Variants in FBXO9 observed in about 807,000 individuals in gnomAD.
FBXO9 encodes the protein F-box only protein 9.
Under a neutral mutation model 63.7 loss-of-function variants are expected in FBXO9, and 43 were observed. The observed-to-expected ratio is 0.67, with a 90% CI of 0.53 to 0.87. The LOEUF is 0.87. FBXO9 is among the 40% of genes least tolerant of loss of function. FBXO9 has a pLI of 0.00. For synonymous variants in FBXO9, 156 were observed against 171.7 expected (o/e 0.91, Z 0.72); for missense variants, 442 against 533.2 (o/e 0.83, Z 1.68).
chr6:53,092,665 C>T (rs569173623), intron 8 of FBXO9, 69 bp from the exon 9 acceptor site: 1 of 1,422,854 alleles, frequency 7.0e-7, no homozygotes, highest in African/African-American at 1.4e-5. Flanking sequence ...TTAAAGGAAA[C>T]CACAGTAAAT....
chr6:53,071,025 T>C, intron 1 of FBXO9, 32 bp from the exon 2 acceptor site: 3 of 1,556,828 alleles, frequency 1.9e-6, no homozygotes, highest in Non-Finnish European at 2.6e-6. Context: ...TGTGTTTATA[T>C]GCCTGACATT....
chr6:53,066,262 G>A, intron 1 of FBXO9: 1 of 456,666 alleles, frequency 2.2e-6, no homozygotes, highest in Non-Finnish European at 2.9e-6. Context: ...CCGGCACCTT[G>A]AGGAGCCCTG....
intron 5 of FBXO9, among the ~76,000 whole-genome samples, 186 bp downstream of exon 5, chr6:53,079,084 T>G (rs1769220773): frequency 6.6e-6 from 1 of 152,112 alleles, no homozygotes; most frequent in Non-Finnish European, 1.5e-5. Flanking sequence ...AATGCACCTT[T>G]TAAACAGATA....
intron 5 of FBXO9, among the ~76,000 whole-genome samples, chr6:53,080,277 A>G (rs1769265194): frequency 6.7e-6 from 1 of 149,888 alleles, no homozygotes; most frequent in African/African-American, 2.5e-5. Flanking sequence ...ATTTTGTTGT[A>G]TTACAAAATG....
chr6:53,070,976 G>A lies in FBXO9; in HGVS notation c.4-81G>A, dbSNP rs763340354. 1.9e-5 allele frequency: 30 copies of A among 1,542,638 alleles called. No individual in the cohort carries two copies. The East Asian group carries it at 6.1e-4, about 32-fold the overall frequency. On this transcript the variant is annotated intron_variant, in intron 1 of 12. Coordinates refer to ENST00000323557, the MANE Select transcript of FBXO9 (RefSeq NM_033480.3). ...TTGACAGTATGGTACTAAATAGAAA[G>A]TGGCTGAATGAGAAATGTAGATTGC...
rs145516622 is a variant in FBXO9 at position 53,088,898 on chromosome 6, C to T, written c.654-3531C>T. ...TACAGGCGTGAGCCACCGCACCTGG[C>T]CCTAGTGGTTTTTTTCTTTCTTTCT... On this transcript the variant is annotated intron_variant, in intron 7 of 12. Transcript: ENST00000323557. 2.6e-3 allele frequency among the ~76,000 whole-genome samples: 387 copies of T among 151,088 alleles called. 1 individual carries two copies. Among genetic ancestry groups the T allele is most frequent in the African/African-American group, 6.7e-3 (277 of 41,250 alleles).
At chr6:53,085,982 G>A (rs1020893273) in intron 7 of FBXO9, among the ~76,000 whole-genome samples, 2 of 151,624 alleles carry the variant, frequency 1.3e-5, no homozygotes, top group South Asian at 2.1e-4. Flanking sequence ...AAACCCCGTC[G>A]CTACTAAAAA....
At chr6:53,088,879 C>A (rs1157111773) in intron 7 of FBXO9, among the ~76,000 whole-genome samples, 1 of 151,402 alleles carries the variant, frequency 6.6e-6, no homozygotes, top group African/African-American at 2.4e-5. Context: ...GAATTACAGG[C>A]GTGAGCCACC....
intron 4 of FBXO9, among the ~76,000 whole-genome samples, chr6:53,077,572 T>C (rs1339580542): frequency 2.6e-5 from 4 of 151,754 alleles, no homozygotes; most frequent in African/African-American, 7.3e-5. Context: ...AATAAAGTGA[T>C]AGGACTATTT....
chr6:53,093,833 C>CT (rs1763120988), intron 10 of FBXO9, 52 bp from the exon 11 acceptor site: 1 of 1,359,938 alleles, frequency 7.4e-7, no homozygotes, highest in Admixed American at 2.3e-5. Flanking sequence ...TCTTAGATTA[C>CT]TTAAATCCAC....
intron 1 of FBXO9, among the ~76,000 whole-genome samples, chr6:53,069,946 A>C (rs1048389567): frequency 1.3e-5 from 2 of 152,070 alleles, no homozygotes; most frequent in Non-Finnish European, 2.9e-5. Context: ...TAGAACTAAA[A>C]AAATACCAAA....
chr6:53,096,647 A>G (rs1330552543), intron 12 of FBXO9, among the ~76,000 whole-genome samples: 2 of 152,054 alleles, frequency 1.3e-5, no homozygotes, highest in Admixed American at 6.6e-5. Flanking sequence ...GCTTATGCCT[A>G]TAATCCCAGG....
intron 11 of FBXO9, among the ~76,000 whole-genome samples, 177 bp from the exon 12 acceptor site, chr6:53,095,336 A>C (rs1763177582): frequency 6.6e-6 from 1 of 152,174 alleles, no homozygotes; most frequent in Non-Finnish European, 1.5e-5. Flanking sequence ...AAAAAATCTG[A>C]TATTTTTAGA....
chr6:53,073,777 A>G, intron 3 of FBXO9, 138 bp downstream of exon 3: 1 of 688,562 alleles, frequency 1.5e-6, no homozygotes, highest in Non-Finnish European at 2.3e-6. Flanking sequence ...AATTTTGACT[A>G]GTATACTAGT....
At chr6:53,081,164 A>G (rs891727746) in intron 6 of FBXO9, 66 bp downstream of exon 6, 2 of 1,505,652 alleles carry the variant, frequency 1.3e-6, no homozygotes, top group Non-Finnish European at 1.8e-6. Context: ...CCAAATTTAT[A>G]AGGTCAGATA....
chr6:53,082,521 C>T lies in FBXO9; in HGVS notation c.556C>T (p.Leu186=). ...IHISVLPMEV[L]MYIFRWVVSS... Reference sequence around the variant, plus strand: ...TTTTGCAGTGCTGCCAATGGAGGTCCTGATGTACATCTTCCGATGGGTGGT... The same window carrying T: ...TTTTGCAGTGCTGCCAATGGAGGTCTTGATGTACATCTTCCGATGGGTGGT... The change falls in exon 7 of 13, where the codon CTG becomes TTG. Residue 186 remains leucine, a synonymous_variant. Coordinates refer to ENST00000323557, the MANE Select transcript of FBXO9 (RefSeq NM_033480.3). The T allele has an allele frequency of 6.2e-7, 1 of 1,613,134 alleles. No individual in the cohort carries two copies.
intron 11 of FBXO9, 82 bp from the exon 12 acceptor site, chr6:53,095,431 A>T: frequency 7.9e-7 from 1 of 1,262,048 alleles, no homozygotes; most frequent in Non-Finnish European, 1.1e-6. Context: ...TGTTACTTTT[A>T]GTGTCACTGT....
intron 7 of FBXO9, among the ~76,000 whole-genome samples, chr6:53,087,918 A>T (rs1762938923): frequency 6.6e-6 from 1 of 152,196 alleles, no homozygotes; most frequent in Non-Finnish European, 1.5e-5. Flanking sequence ...AGCCAACTTG[A>T]CCACACACAA....
In FBXO9 at chr6:53,065,733, G is replaced by T. The variant is rs1768668611; in HGVS notation, c.-57G>T. Reference sequence around the variant, plus strand: ...GGACACCCAGCACCCCTCCTCCGGGGGGCGGTGCAGAGGGGGCACGGAGAG... The same window carrying T: ...GGACACCCAGCACCCCTCCTCCGGGTGGCGGTGCAGAGGGGGCACGGAGAG... On this transcript the variant is annotated 5_prime_UTR_variant, in exon 1 of 13. Coordinates refer to ENST00000323557, the MANE Select transcript of FBXO9 (RefSeq NM_033480.3). The T allele has an allele frequency of 4.9e-6, 7 of 1,428,524 alleles. No homozygotes were observed. Among genetic ancestry groups the T allele is most frequent in the Non-Finnish European group, 5.5e-6 (6 of 1,091,096 alleles). 88.5% of individuals were successfully genotyped at this position (1,428,524 alleles called of 1,614,324 possible).
Sources: gnomAD v4.1 joint callset for allele counts (sites outside exome capture counted in the v4.1 genomes callset) on GRCh38, gnomAD v4.1.1 for gene constraint, MANE v1.5 for transcripts, NCBI Gene and HGNC (gene_info 2026-07-23, HGNC 2026-07-21) for gene names.